Variants in CCSER1 observed in about 807,000 individuals in gnomAD.
The protein encoded by CCSER1 is coiled-coil serine rich protein 1, also known as serine-rich coiled-coil domain-containing protein 1.
Under a neutral mutation model 82.0 loss-of-function variants are expected in CCSER1, and 41 were observed. The ratio of observed to expected loss-of-function variants is 0.50; its 90% CI spans 0.39 to 0.65. CCSER1 has a LOEUF of 0.65. Among genes scored for constraint, CCSER1 ranks in the 30% least tolerant of loss-of-function variants. The probability of loss-of-function intolerance (pLI) is 0.00; values close to 1 mark genes in which losing one functional copy is unlikely to be tolerated. For synonymous variants in CCSER1, 414 were observed against 383.9 expected (o/e 1.08, Z -0.92); for missense variants, 1,119 against 1,064.2 (o/e 1.05, Z -0.72).
intron 5 of CCSER1, among the ~76,000 whole-genome samples, chr4:90,562,933 A>G (rs779530235): frequency 4.2e-4 from 63 of 151,532 alleles, no homozygotes; most frequent in Non-Finnish European, 7.5e-4. Flanking sequence ...TGAGGCAAAG[A>G]TAATTTCTTA....
At chr4:90,624,383 CTTAG>C (rs1353553042) in intron 5 of CCSER1, among the ~76,000 whole-genome samples, 1 of 150,156 alleles carries the variant, frequency 6.7e-6, no homozygotes, top group Non-Finnish European at 1.5e-5. Flanking sequence ...AATGATACTA[CTTAG>C]TTATAGCTAA....
chr4:91,384,219 A>C (rs886966663), intron 10 of CCSER1, among the ~76,000 whole-genome samples: 1 of 150,882 alleles, frequency 6.6e-6, no homozygotes, highest in Non-Finnish European at 1.5e-5. Context: ...AAGATAGAAA[A>C]CCTAACACCT....
At chr4:91,279,502 C>G (rs930996299) in intron 10 of CCSER1, among the ~76,000 whole-genome samples, 1 of 151,844 alleles carries the variant, frequency 6.6e-6, no homozygotes, top group African/African-American at 2.4e-5. Context: ...AGTTCTGAAA[C>G]TTTTTCTTCT....
intron 6 of CCSER1, among the ~76,000 whole-genome samples, chr4:90,687,336 G>A (rs2149211720): frequency 6.6e-6 from 1 of 151,824 alleles, no homozygotes; most frequent in Non-Finnish European, 1.5e-5. Flanking sequence ...TTTTGTTTCT[G>A]GAAAATTTTC....
At chr4:91,188,410 G>T (rs1734744201) in intron 10 of CCSER1, among the ~76,000 whole-genome samples, 2 of 146,786 alleles carry the variant, frequency 1.4e-5, no homozygotes, top group Admixed American at 6.8e-5. Context: ...CAAAACTTCT[G>T]CTACTGTTAT....
chr4:90,310,626 C>T (rs1735127988), intron 2 of CCSER1, among the ~76,000 whole-genome samples: 1 of 152,096 alleles, frequency 6.6e-6, no homozygotes. Context: ...ATGAGGTAGG[C>T]TCCTATGTTT....
At chr4:90,655,569 C>T (rs1224342657) in intron 6 of CCSER1, among the ~76,000 whole-genome samples, 1 of 151,986 alleles carries the variant, frequency 6.6e-6, no homozygotes, top group African/African-American at 2.4e-5. Flanking sequence ...CTCTCTCTTA[C>T]ATTTGGAGTC....
At chr4:90,880,412 G>T (rs1403480971) in intron 8 of CCSER1, among the ~76,000 whole-genome samples, 2 of 152,158 alleles carry the variant, frequency 1.3e-5, no homozygotes, top group Non-Finnish European at 2.9e-5. Flanking sequence ...TCCCTGTCTG[G>T]TGATGAGCAG....
intron 9 of CCSER1, among the ~76,000 whole-genome samples, chr4:90,964,878 C>G (rs780174450): frequency 3.0e-4 from 46 of 151,890 alleles, no homozygotes; most frequent in Non-Finnish European, 4.9e-4. Context: ...TAACAGCAAA[C>G]ATTGTGTTAT....
chr4:90,628,298 T>C, intron 6 of CCSER1, 66 bp downstream of exon 6: 2 of 1,272,080 alleles, frequency 1.6e-6, no homozygotes, highest in Non-Finnish European at 2.3e-6. Flanking sequence ...CAGACGTGGT[T>C]AGACCCTGCT....
At chr4:91,097,333 C>T (rs940060479) in intron 10 of CCSER1, among the ~76,000 whole-genome samples, 2 of 134,364 alleles carry the variant, frequency 1.5e-5, no homozygotes, top group African/African-American at 2.5e-5. Context: ...TGGATTAAGG[C>T]TGTTATTGGA....
At position 91,383,121 on chromosome 4, in the gene CCSER1, G is replaced by A. The variant is rs775838275; in HGVS notation, c.2218-215451G>A. On this transcript the variant is annotated intron_variant, in intron 10 of 10. Coordinates refer to ENST00000509176, the MANE Select transcript of CCSER1 (RefSeq NM_001145065.2). ...ATAACTTTTACATTCACTGGAAAAC[G>A]AAAAAAATTGTGTGATTCAGTTTAT... Among the ~76,000 whole-genome samples the A allele has an allele frequency of 4.6e-5, 7 of 151,552 alleles. No homozygotes were observed. The East Asian group carries it at 5.8e-4, about 13-fold the overall frequency.
In CCSER1 at chr4:90,424,032, A is replaced by G. The variant is rs182902819; in HGVS notation, c.1603+23903A>G. 8.6e-5 allele frequency among the ~76,000 whole-genome samples: 13 copies of G among 151,502 alleles called. No homozygotes were observed. The East Asian group carries it at 2.3e-3, about 27-fold the overall frequency. ...CGTGAACCCGGGAGGCTGAGGTTGC[A>G]GTGAGCAGAGATTGCGCCACTGCGC... is the stretch of plus-strand genomic sequence containing the variant. On this transcript the variant is annotated intron_variant, in intron 4 of 10. Coordinates refer to ENST00000509176, the MANE Select transcript of CCSER1 (RefSeq NM_001145065.2).
intron 10 of CCSER1, among the ~76,000 whole-genome samples, chr4:91,318,698 A>T (rs577548217): frequency 2.6e-5 from 4 of 152,158 alleles, no homozygotes; most frequent in African/African-American, 9.6e-5. Context: ...GATTATCTTT[A>T]TTCTTCTCTA....
At chr4:90,219,569 A>G (rs1741739833) in intron 1 of CCSER1, among the ~76,000 whole-genome samples, 2 of 152,112 alleles carry the variant, frequency 1.3e-5, no homozygotes, top group South Asian at 4.1e-4. Context: ...AGTCCCAAGT[A>G]TATTTATCTG....
chr4:90,405,709 G>A (rs150315195), intron 4 of CCSER1, among the ~76,000 whole-genome samples: 1,549 of 152,218 alleles, frequency 0.01, 17 homozygotes, highest in South Asian at 0.03. Context: ...TCTATTTTTA[G>A]CCTTCTTAAA....
intron 5 of CCSER1, among the ~76,000 whole-genome samples, chr4:90,477,734 T>C (rs1019836890): frequency 6.6e-6 from 1 of 152,030 alleles, no homozygotes; most frequent in African/African-American, 2.4e-5. Context: ...AACTAGTAGG[T>C]ACTCAAAAAA....
At chr4:90,280,790 T>TTTAACCTA (rs67778649) in intron 1 of CCSER1, among the ~76,000 whole-genome samples, 98,717 of 151,006 alleles carry the variant, frequency 0.65, 34,557 homozygotes, top group African/African-American at 0.91. Context: ...GGAGAAGGTC[T>TTTAACCTA]TTAATCTAAA....
At chr4:91,201,038 C>T (rs928895646) in intron 10 of CCSER1, among the ~76,000 whole-genome samples, 1 of 151,976 alleles carries the variant, frequency 6.6e-6, no homozygotes, top group Non-Finnish European at 1.5e-5. Context: ...TGACAGTTTA[C>T]TATGTATCTG....
Sources: gnomAD v4.1 joint callset for allele counts (sites outside exome capture counted in the v4.1 genomes callset) on GRCh38, gnomAD v4.1.1 for gene constraint, MANE v1.5 for transcripts, NCBI Gene and HGNC (gene_info 2026-07-23, HGNC 2026-07-21) for gene names.